Variants in PTPRN2 observed in about 807,000 individuals in gnomAD.
PTPRN2 encodes the protein protein tyrosine phosphatase receptor type N2.
PTPRN2 carries 74 observed loss-of-function variants against 118.8 expected under a neutral mutation model. That is an observed-to-expected ratio of 0.62 (90% CI 0.52 to 0.76). The LOEUF (loss-of-function observed/expected upper bound fraction) is 0.76, where lower values mean the gene tolerates loss of function less well. Ranked by LOEUF, PTPRN2 falls within the 30% of genes least tolerant of loss-of-function variation. PTPRN2 has a pLI of 0.00. For synonymous variants in PTPRN2, 641 were observed against 608.0 expected, an observed-to-expected ratio of 1.05 and a Z score of -0.80; for missense variants, 1,481 against 1,394.4, an observed-to-expected ratio of 1.06 and a Z score of -0.99.
chr7:158,061,374 C>A (rs1011845558), intron 11 of PTPRN2, among the ~76,000 whole-genome samples: 3 of 152,236 alleles, frequency 2.0e-5, no homozygotes, highest in African/African-American at 4.8e-5. Flanking sequence ...CCGCAACCCA[C>A]CTGCTCCAGA....
At position 158,551,335 on chromosome 7, in the gene PTPRN2, C is replaced by A. The variant is rs73510573; in HGVS notation, c.112+36223G>T. 3.4e-3 allele frequency among the ~76,000 whole-genome samples: 522 copies of A among 152,354 alleles called. 5 individuals are homozygous for A. Among genetic ancestry groups the A allele is most frequent in the African/African-American group, 0.012 (495 of 41,592 alleles). ...AACCCTAATCACCTCTGGAAGGCCC[C>A]GCCTCCTAACCCATCCCATCAGGGT... On this transcript the variant is annotated intron_variant, in intron 1 of 22. Transcript: ENST00000389418.
At chr7:158,322,223 C>T (rs181824205) in intron 2 of PTPRN2, among the ~76,000 whole-genome samples, 8 of 152,316 alleles carry the variant, frequency 5.3e-5, no homozygotes, top group African/African-American at 1.7e-4. Flanking sequence ...CAGGCCAGGA[C>T]AGCCGGGAGA....
chr7:158,018,576 T>C (rs1806618129), intron 11 of PTPRN2, among the ~76,000 whole-genome samples: 1 of 152,188 alleles, frequency 6.6e-6, no homozygotes, highest in South Asian at 2.1e-4. Flanking sequence ...GAAATGGATC[T>C]CTTGTCCCAC....
chr7:158,437,672 C>G (rs552532593), intron 2 of PTPRN2, among the ~76,000 whole-genome samples: 1 of 152,178 alleles, frequency 6.6e-6, no homozygotes, highest in African/African-American at 2.4e-5. Flanking sequence ...GGGATGTGTG[C>G]GATGGCCCCT....
At chr7:158,387,580 T>TGAAGCACTCTCTGGGTCC (rs1272056517) in intron 2 of PTPRN2, among the ~76,000 whole-genome samples, 26 of 6,950 alleles carry the variant, frequency 3.7e-3, no homozygotes, top group Admixed American at 5.8e-3. Flanking sequence ...TCAGCTCAGC[T>TGAAGCACTCTCTGGGTCC]TGGCCCGGCC....
intron 11 of PTPRN2, among the ~76,000 whole-genome samples, chr7:157,910,935 A>G (rs567894330): frequency 6.6e-6 from 1 of 152,390 alleles, no homozygotes; most frequent in South Asian, 2.1e-4. Flanking sequence ...ACCCTGGAAC[A>G]TAACTGCTTT....
At position 158,391,169 on chromosome 7, in the gene PTPRN2, G is replaced by C. The variant is rs966345438; in HGVS notation, c.164-74237C>G. Reference sequence around the variant, plus strand: ...TTATTCCAAACACCCTAACCCAGCAGCTGCTGCTCCCTTAAAGATAAAAAG... The same window carrying C: ...TTATTCCAAACACCCTAACCCAGCACCTGCTGCTCCCTTAAAGATAAAAAG... On this transcript the variant is annotated intron_variant, in intron 2 of 22. Transcript: ENST00000389418. Among the ~76,000 whole-genome samples the C allele has an allele frequency of 2.6e-5, 4 of 152,212 alleles. No homozygotes were observed. The East Asian group carries it at 5.8e-4, about 22-fold the overall frequency.
intron 11 of PTPRN2, among the ~76,000 whole-genome samples, chr7:158,054,126 C>A (rs763536931): frequency 1.3e-5 from 2 of 152,032 alleles, no homozygotes; most frequent in Non-Finnish European, 2.9e-5. Context: ...GATGCAGAGA[C>A]CCTAGAGAGC....
intron 11 of PTPRN2, among the ~76,000 whole-genome samples, chr7:157,900,669 G>A (rs1033040702): frequency 2.6e-5 from 4 of 152,184 alleles, no homozygotes; most frequent in African/African-American, 7.2e-5. Flanking sequence ...TGACGAAAAC[G>A]CAGTCCTCCT....
rs543967813 is a variant in PTPRN2 at position 157,585,898 on chromosome 7, T to C, written c.2497-7758A>G. Among the ~76,000 whole-genome samples, 117 of 152,336 alleles carry C rather than the reference T, an allele frequency of 7.7e-4. No homozygotes were observed. The highest frequency in any genetic ancestry group is 1.5e-3 in the Non-Finnish European group (99 of 68,032). The stretch of plus-strand genomic sequence containing the variant: ...TGTCCTTTCTACTTGAGTCCCATTT[T>C]AAATTCCGCATGTGTGCGGCGAGAG... On this transcript the variant is annotated intron_variant, in intron 17 of 22. Coordinates refer to ENST00000389418, the MANE Select transcript of PTPRN2 (RefSeq NM_002847.5). This position sits in a 1 kb window ranked among gnomAD's most constrained non-coding sequence, Gnocchi z 5.2.
chr7:158,325,974 G>A (rs541483929), intron 2 of PTPRN2, among the ~76,000 whole-genome samples: 3 of 152,340 alleles, frequency 2.0e-5, no homozygotes, highest in Non-Finnish European at 2.9e-5. Context: ...AGCCCAGGAG[G>A]GGAACGCGGC....
At chr7:158,172,782 C>A (rs985526994) in intron 5 of PTPRN2, among the ~76,000 whole-genome samples, 1 of 149,104 alleles carries the variant, frequency 6.7e-6, no homozygotes, top group Non-Finnish European at 1.5e-5. Flanking sequence ...ACAGCAGCAT[C>A]CCACCATCAT....
intron 6 of PTPRN2, among the ~76,000 whole-genome samples, chr7:158,158,724 GGGCT>G (rs1389000190): frequency 3.7e-5 from 1 of 26,990 alleles, no homozygotes; most frequent in African/African-American, 2.3e-4. Flanking sequence ...GACTTCGCAA[GGGCT>G]TTCTGAATGA....
rs1348188907 is a variant in PTPRN2, at chr7:158,167,044, T to G, written c.797A>C (p.Gln266Pro). The G allele has an allele frequency of 7.0e-6, 11 of 1,560,466 alleles. No homozygotes were observed. The highest frequency in any genetic ancestry group is 8.7e-6 in the Non-Finnish European group (10 of 1,152,544). Residue 266 changes from glutamine (Q) to proline (P), a missense_variant, in exon 6 of 23, where the codon CAG becomes CCG. Around this residue, in one of 3 missense-constraint regions of PTPRN2, gnomAD observed 1,115 missense variants for 994.2 expected, o/e 1.12. Coordinates refer to ENST00000389418, the MANE Select transcript of PTPRN2 (RefSeq NM_002847.5). ...TCTTGAGGGTGCACGCAGAAGGTAC[T>G]GTGGCTCCAGGCTGCCCTCCCCGGG... is the stretch of plus-strand genomic sequence containing the variant. ...APPGEGSLEP[Q>P]YLLRAPSRMP...
At chr7:158,406,180 A>C (rs111317591) in intron 2 of PTPRN2, among the ~76,000 whole-genome samples, 17,187 of 75,994 alleles carry the variant, frequency 0.23, 3,354 homozygotes, top group Non-Finnish European at 0.29. Context: ...TCCATGAGAC[A>C]CGTGGCCGCA....
intron 1 of PTPRN2, among the ~76,000 whole-genome samples, 164 bp from the exon 2 acceptor site, chr7:158,489,949 C>T (rs891173673): frequency 4.6e-5 from 7 of 152,226 alleles, no homozygotes; most frequent in African/African-American, 1.4e-4. Flanking sequence ...GAAGCCAGAA[C>T]GCTGCGCCCC....
At chr7:158,027,249 A>C (rs1440479524) in intron 11 of PTPRN2, 2 of 152,240 alleles carry the variant, frequency 1.3e-5, no homozygotes, top group Non-Finnish European at 2.9e-5. Flanking sequence ...AGTCAAATGG[A>C]ACTGAAAGCC....
rs571650423 is a variant in PTPRN2 at position 158,517,250 on chromosome 7, G to A, written c.113-27465C>T. Among the ~76,000 whole-genome samples the A allele has an allele frequency of 6.6e-6, 1 of 152,168 alleles. No homozygotes were observed. Among genetic ancestry groups the A allele is most frequent in the Admixed American group, 6.5e-5 (1 of 15,274 alleles). On this transcript the variant is annotated intron_variant, in intron 1 of 22. Transcript: ENST00000389418. The surrounding 1 kb of genome is among the most constrained non-coding windows in gnomAD (Gnocchi z 5.3). ...CCCCACAGGCTTCCTCCTCACTTCG[G>A]GGGTGCAAGCCTGCAAGACCAAACA...
At chr7:157,979,134 T>C (rs1802954179) in intron 11 of PTPRN2, among the ~76,000 whole-genome samples, 1 of 152,040 alleles carries the variant, frequency 6.6e-6, no homozygotes, top group African/African-American at 2.4e-5. Flanking sequence ...ATTGTTTCTC[T>C]TTCTGTGTAC....
Sources: allele counts gnomAD v4.1 joint callset (sites outside exome capture counted in the v4.1 genomes callset), GRCh38; gene constraint gnomAD v4.1.1; regional missense constraint gnomAD v4.1.1; non-coding constraint Gnocchi (gnomAD v3.1); transcripts MANE v1.5; gene names NCBI Gene and HGNC (gene_info 2026-07-23, HGNC 2026-07-21).